The following CAMSAP2 variants were observed in gnomAD, a reference collection of about 807,000 sequenced individuals.
The protein encoded by CAMSAP2 is calmodulin regulated spectrin associated protein family member 2.
In CAMSAP2, 26 loss-of-function variants were observed where a neutral mutation model predicts 146.1. That is an observed-to-expected ratio of 0.18 (90% CI 0.13 to 0.25). The LOEUF is 0.25. CAMSAP2 is among the 10% of genes least tolerant of loss of function. CAMSAP2 has a pLI of 1.00. For missense variants in CAMSAP2, 1,381 were observed against 1,759.3 expected (o/e 0.78, Z 3.85); for synonymous variants, 499 against 596.6 (o/e 0.84, Z 2.38).
intron 2 of CAMSAP2, among the ~76,000 whole-genome samples, chr1:200,774,086 C>T (rs1443925353): frequency 3.9e-5 from 6 of 152,004 alleles, no homozygotes; most frequent in Admixed American, 1.3e-4. Flanking sequence ...GCCATCCATA[C>T]CCCAGTGTGT....
chr1:200,849,706 G>T lies in CAMSAP2; in HGVS notation c.2937G>T (p.Arg979Ser). 6.2e-7 allele frequency: 1 copy of T among 1,614,120 alleles called. No homozygotes were observed. The highest frequency in any genetic ancestry group is 8.5e-7 in the Non-Finnish European group (1 of 1,180,012). ...SFSVKSQRTP[R>S]PNELKITPLN... ...CTGTTAAAAGTCAAAGGACTCCTAG[G>T]CCAAATGAGTTAAAAATAACACCTT... The change falls in exon 11 of 17, where the codon AGG (arginine) becomes AGT (serine). Residue 979 changes from arginine (R) to serine (S), a missense_variant. Arg to Ser is a moderately radical substitution (Grantham distance 110). Coordinates refer to ENST00000358823, the MANE Select transcript of CAMSAP2 (RefSeq NM_203459.4). This position sits in a 1 kb window ranked among gnomAD's most constrained non-coding sequence, Gnocchi z 6.3.
At chr1:200,837,177 C>T (rs1667205887) in intron 6 of CAMSAP2, among the ~76,000 whole-genome samples, 2 of 152,106 alleles carry the variant, frequency 1.3e-5, no homozygotes, top group Admixed American at 6.5e-5. Flanking sequence ...TTCCTATGTC[C>T]AGAATGGTAC....
chr1:200,766,335 G>A (rs1422115284), intron 2 of CAMSAP2, among the ~76,000 whole-genome samples: 1 of 151,828 alleles, frequency 6.6e-6, no homozygotes, highest in Admixed American at 6.6e-5. Context: ...TTTTTTTGTA[G>A]AGACAGGGTC....
intron 2 of CAMSAP2, among the ~76,000 whole-genome samples, chr1:200,778,579 C>T (rs182141165): frequency 6.6e-6 from 1 of 152,170 alleles, no homozygotes; most frequent in African/African-American, 2.4e-5. Flanking sequence ...TCTACCTTTG[C>T]TTTTTGTGTC....
chr1:200,844,781 G>A lies in CAMSAP2; in HGVS notation c.1022-1G>A. The A allele has an allele frequency of 6.4e-7, 1 of 1,560,550 alleles. No individual in the cohort carries two copies. Among genetic ancestry groups the A allele is most frequent in the Non-Finnish European group, 8.7e-7 (1 of 1,153,988 alleles). ...GTGTTTTTAAAAATCTTTTATTCCA[G>A]CTGAACCTGTAAAAGATATGCCTTC... On this transcript the variant is annotated splice_acceptor_variant, in intron 7 of 16. Transcript: ENST00000358823. LOFTEE classifies it high-confidence loss of function.
chr1:200,796,465 A>G (rs1486138275), intron 2 of CAMSAP2, among the ~76,000 whole-genome samples: 3 of 152,078 alleles, frequency 2.0e-5, no homozygotes, highest in African/African-American at 4.8e-5. Context: ...GAGCTTTAAT[A>G]TGAATTTTAG....
In CAMSAP2 at chr1:200,804,269, TC is replaced by T. The variant is rs1467570096; in HGVS notation, c.400-3106del. 2.0e-5 allele frequency among the ~76,000 whole-genome samples: 3 copies of T among 152,122 alleles called. No individual in the cohort carries two copies. In the South Asian group the frequency reaches 6.2e-4, roughly 32 times the overall value. ...GTTTCTTGTCTGTTTCCTTCCTTTT[TC>T]ATATTTTTATGTATATATATAAAAC... is the stretch of plus-strand genomic sequence containing the variant. On this transcript the variant is annotated intron_variant, in intron 2 of 16. Transcript: ENST00000358823.
rs763541841 is a variant in CAMSAP2, at chr1:200,848,513, A to G, written c.1744A>G (p.Ile582Val). Residue 582 changes from isoleucine (I) to valine (V), a missense_variant, in exon 11 of 17, where the codon ATC becomes GTC. Ile to Val is a conservative substitution (Grantham distance 29, BLOSUM62 3). Coordinates refer to ENST00000358823, the MANE Select transcript of CAMSAP2 (RefSeq NM_203459.4). ...AGAAATGAGTATCTTAAATTCAAAT[A>G]TCAAGTTAAATCAATCTAGTCCTGA... ...SQEMSILNSN[I>V]KLNQSSPDNV... The G allele has an allele frequency of 1.8e-5, 29 of 1,613,760 alleles. No individual in the cohort carries two copies. Among genetic ancestry groups the G allele is most frequent in the Non-Finnish European group, 9.3e-6 (11 of 1,179,928 alleles).
At chr1:200,798,954 A>G (rs1386738328) in intron 2 of CAMSAP2, among the ~76,000 whole-genome samples, 1 of 151,806 alleles carries the variant, frequency 6.6e-6, no homozygotes. Context: ...GGCTCTGTTT[A>G]TATGCTGGAT....
intron 1 of CAMSAP2, among the ~76,000 whole-genome samples, chr1:200,741,160 A>G (rs1344149500): frequency 1.3e-5 from 2 of 152,224 alleles, no homozygotes; most frequent in African/African-American, 4.8e-5. Flanking sequence ...GTGTTTGGAA[A>G]ATGATTTGAA....
intron 4 of CAMSAP2, among the ~76,000 whole-genome samples, chr1:200,819,149 G>A (rs906944405): frequency 6.6e-6 from 1 of 152,134 alleles, no homozygotes; most frequent in Non-Finnish European, 1.5e-5. Flanking sequence ...TTTGTTTAGG[G>A]TATTAGATCC....
At chr1:200,771,534 G>C (rs906333239) in intron 2 of CAMSAP2, among the ~76,000 whole-genome samples, 6 of 152,054 alleles carry the variant, frequency 3.9e-5, no homozygotes, top group Admixed American at 1.3e-4. Flanking sequence ...ATAAGGGCTT[G>C]ATAAACAAAG....
At chr1:200,841,920 A>G (rs1245728895) in intron 6 of CAMSAP2, 74 bp from the exon 7 acceptor site, 3 of 1,061,488 alleles carry the variant, frequency 2.8e-6, no homozygotes, top group Admixed American at 1.7e-5. Flanking sequence ...TTAAACCTAT[A>G]TTTTAAAACA....
At chr1:200,841,208 C>T (rs1667314519) in intron 6 of CAMSAP2, among the ~76,000 whole-genome samples, 1 of 152,108 alleles carries the variant, frequency 6.6e-6, no homozygotes, top group Admixed American at 6.5e-5. Context: ...TTATTTAGCA[C>T]CTGTATTACT....
At chr1:200,852,432 G>A in intron 11 of CAMSAP2, 109 bp from the exon 12 acceptor site, 1 of 1,238,566 alleles carries the variant, frequency 8.1e-7, no homozygotes. Flanking sequence ...GGTTGTAATA[G>A]TTCAAACTTT....
intron 2 of CAMSAP2, among the ~76,000 whole-genome samples, chr1:200,768,313 G>C (rs993044081): frequency 6.6e-6 from 1 of 152,220 alleles, no homozygotes; most frequent in Non-Finnish European, 1.5e-5. Context: ...AAGGGAGTGT[G>C]AGAGCATGGT....
intron 7 of CAMSAP2, among the ~76,000 whole-genome samples, chr1:200,843,839 GTT>G (rs34081222): frequency 2.8e-4 from 42 of 148,024 alleles, no homozygotes; most frequent in African/African-American, 1.0e-3. Flanking sequence ...ACTTATTTTT[GTT>G]TTTTTTTTGT....
chr1:200,744,174 G>C (rs567935258), intron 1 of CAMSAP2, among the ~76,000 whole-genome samples: 1 of 152,262 alleles, frequency 6.6e-6, no homozygotes, highest in East Asian at 1.9e-4. Flanking sequence ...TGAACCCAGG[G>C]AATTTGACTT....
chr1:200,798,873 A>G (rs1320655249), intron 2 of CAMSAP2, among the ~76,000 whole-genome samples: 1 of 150,272 alleles, frequency 6.7e-6, no homozygotes, highest in Non-Finnish European at 1.5e-5. Flanking sequence ...AGTTTTTAGC[A>G]TGAAGCGTTG....
Sources: gnomAD v4.1 joint callset for allele counts (sites outside exome capture counted in the v4.1 genomes callset) on GRCh38, gnomAD v4.1.1 for gene constraint, Gnocchi (gnomAD v3.1) non-coding constraint, MANE v1.5 for transcripts, NCBI Gene and HGNC (gene_info 2026-07-23, HGNC 2026-07-21) for gene names.